Variants in STARD13 observed in about 807,000 individuals in gnomAD.
STARD13 encodes the protein StAR related lipid transfer domain containing 13, also known as stAR-related lipid transfer protein 13.
A neutral mutation model predicts 106.4 loss-of-function variants in STARD13; 62 were observed. The observed-to-expected ratio is 0.58, with a 90% CI of 0.48 to 0.72. The LOEUF (loss-of-function observed/expected upper bound fraction) is 0.72, where lower values mean the gene tolerates loss of function less well. Among genes scored for constraint, STARD13 ranks in the 30% least tolerant of loss-of-function variants. The probability of loss-of-function intolerance (pLI) is 0.00; values close to 1 mark genes in which losing one functional copy is unlikely to be tolerated. For missense variants in STARD13, 1,387 were observed against 1,424.0 expected (o/e 0.97, Z 0.42); for synonymous variants, 565 against 553.0 (o/e 1.02, Z -0.31).
chr13:33,243,880 C>T (rs2182128), intron 1 of STARD13, among the ~76,000 whole-genome samples: 100,746 of 151,898 alleles, frequency 0.66, 33,971 homozygotes, highest in Middle Eastern at 0.73. Flanking sequence ...CAGGAACCAA[C>T]GGCTAAGAGT....
In STARD13 at chr13:33,105,517, C is replaced by G; in HGVS notation, c.*76G>C. 1 of 1,016,286 alleles carries G rather than the reference C, an allele frequency of 9.8e-7. No individual in the cohort carries two copies. The highest frequency in any genetic ancestry group is 1.5e-6 in the Non-Finnish European group (1 of 646,978). 63.0% of individuals were successfully genotyped at this position (1,016,286 alleles called of 1,614,324 possible). ...CTTCAGTTCCTCTTTCTCTCGCTTT[C>G]TCACATGCACACTCTCTGCCACACT... On this transcript the variant is annotated 3_prime_UTR_variant, in exon 14 of 14. Coordinates refer to ENST00000336934, the MANE Select transcript of STARD13 (RefSeq NM_178006.4).
At chr13:33,199,254 C>A (rs1052230481) in intron 1 of STARD13, among the ~76,000 whole-genome samples, 1 of 152,190 alleles carries the variant, frequency 6.6e-6, no homozygotes, top group Non-Finnish European at 1.5e-5. Context: ...AAAAATCATT[C>A]TTTCTTGAAT....
At chr13:33,269,416 A>C (rs1451239010) in intron 1 of STARD13, among the ~76,000 whole-genome samples, 1 of 152,202 alleles carries the variant, frequency 6.6e-6, no homozygotes, top group Non-Finnish European at 1.5e-5. Context: ...CCCTCATCAG[A>C]TAATGTGGGC....
chr13:33,216,862 G>C (rs1888075354), intron 1 of STARD13, among the ~76,000 whole-genome samples: 1 of 152,158 alleles, frequency 6.6e-6, no homozygotes, highest in Non-Finnish European at 1.5e-5. Flanking sequence ...AGGAATCTGA[G>C]AGTGGCCAAC....
chr13:33,326,312 C>G (rs1381197094), intron 1 of STARD13, among the ~76,000 whole-genome samples: 4 of 152,196 alleles, frequency 2.6e-5, no homozygotes, highest in Non-Finnish European at 5.9e-5. Flanking sequence ...GAGCTGTTTT[C>G]ACTTAGTTAA....
the STARD13 span, among the ~76,000 whole-genome samples, chr13:33,671,074 C>G: frequency 6.6e-6 from 1 of 152,170 alleles, no homozygotes; most frequent in Non-Finnish European, 1.5e-5. Context: ...GAATTGCCAC[C>G]CATTTTGCAC....
chr13:33,391,769 G>C, the STARD13 span, among the ~76,000 whole-genome samples: 1 of 152,162 alleles, frequency 6.6e-6, no homozygotes, highest in South Asian at 2.1e-4. Context: ...GTGATCTCTC[G>C]AGCAATCTCT....
rs531443233 is a variant in STARD13, at chr13:33,105,025, A to G, written c.*568T>C. 1 of 152,766 alleles carries G rather than the reference A, an allele frequency of 6.5e-6. No homozygotes were observed. Among genetic ancestry groups the G allele is most frequent in the South Asian group, 2.1e-4 (1 of 4,824 alleles). 9.5% of individuals were successfully genotyped at this position (152,766 alleles called of 1,614,324 possible). A position where few individuals can be genotyped will look rare whatever the true frequency, so the allele number is the denominator to read the frequency against. On this transcript the variant is annotated 3_prime_UTR_variant, in exon 14 of 14. Coordinates refer to ENST00000336934, the MANE Select transcript of STARD13 (RefSeq NM_178006.4). ...AATGTTATTTTCCTTTGGTTAACTC[A>G]TCTTTGGTTAGGCATCAGGGCATGT...
At chr13:33,241,982 C>T (rs539881254) in intron 1 of STARD13, among the ~76,000 whole-genome samples, 6 of 152,246 alleles carry the variant, frequency 3.9e-5, no homozygotes, top group Admixed American at 6.5e-5. Context: ...AAGTGAGGAG[C>T]GTCTCTGCCT....
rs752145042 is a variant in STARD13 at position 33,165,439 on chromosome 13, A to C, written c.242-21T>G. On this transcript the variant is annotated intron_variant, in intron 2 of 13. Transcript: ENST00000336934. Reference sequence around the variant, plus strand: ...TGAATCTGAGAGAGAAAGACAAAGAAGTTGATGTACTTTGTTTTATCTGAA... The same window carrying C: ...TGAATCTGAGAGAGAAAGACAAAGACGTTGATGTACTTTGTTTTATCTGAA... 3 of 1,585,486 alleles carry C rather than the reference A, an allele frequency of 1.9e-6. No homozygotes were observed. In the East Asian group the frequency reaches 6.7e-5, roughly 35 times the overall value.
chr13:33,602,130 C>T, the STARD13 span, among the ~76,000 whole-genome samples: 2 of 141,950 alleles, frequency 1.4e-5, no homozygotes, highest in Non-Finnish European at 3.0e-5. Flanking sequence ...TTGCTCTTGT[C>T]GCCCAGGCTG....
the STARD13 span, among the ~76,000 whole-genome samples, chr13:33,452,889 C>T: frequency 5.3e-5 from 8 of 152,212 alleles, no homozygotes; most frequent in African/African-American, 1.9e-4. Flanking sequence ...AGTTTCATTT[C>T]TAACTTTAAA....
At chr13:33,144,055 T>C (rs1880204063) in intron 3 of STARD13, among the ~76,000 whole-genome samples, 1 of 152,204 alleles carries the variant, frequency 6.6e-6, no homozygotes, top group Non-Finnish European at 1.5e-5. Context: ...CCTTTAACTA[T>C]TAATTTTTTT....
At position 33,320,707 on chromosome 13, in the gene STARD13, C is replaced by T. The variant is rs372202084; in HGVS notation, c.124+29583G>A. ...AAGATTGGCCAGGTATGGTATCTTG[C>T]ACTGGTACTCCCAGCTACACTGGAT... On this transcript the variant is annotated intron_variant, in intron 1 of 5. Coordinates refer to the STARD13 transcript ENST00000567873. Among the ~76,000 whole-genome samples the T allele has an allele frequency of 2.4e-3, 360 of 152,220 alleles. 2 individuals are homozygous for T. The highest frequency in any genetic ancestry group is 8.2e-3 in the African/African-American group (340 of 41,520).
In STARD13 at chr13:33,263,252, C is replaced by T. The variant is rs571378303; in HGVS notation, c.169+22218G>A. ...CCACTAGATGCCAGCAGCACCCACC[C>T]CCTAGTTGTGATCATCAACAGTATC... On this transcript the variant is annotated intron_variant, in intron 1 of 13. Coordinates refer to ENST00000336934, the MANE Select transcript of STARD13 (RefSeq NM_178006.4). Among the ~76,000 whole-genome samples, 9 of 152,098 alleles carry T rather than the reference C, an allele frequency of 5.9e-5. No individual in the cohort carries two copies. In the East Asian group the frequency reaches 1.7e-3, roughly 29 times the overall value.
intron 1 of STARD13, among the ~76,000 whole-genome samples, chr13:33,333,387 C>T (rs529200423): frequency 1.3e-5 from 2 of 152,240 alleles, no homozygotes; most frequent in East Asian, 3.9e-4. Flanking sequence ...GACTCAGCCT[C>T]AAAAAATAAA....
chr13:33,211,833 G>GTA (rs143821582), intron 1 of STARD13, among the ~76,000 whole-genome samples: 33,638 of 149,922 alleles, frequency 0.22, 4,217 homozygotes, highest in Middle Eastern at 0.33. Flanking sequence ...GTGTATGTGT[G>GTA]TGTGTGTGTG....
the STARD13 span, among the ~76,000 whole-genome samples, chr13:33,613,623 A>T: frequency 6.6e-6 from 1 of 152,318 alleles, no homozygotes; most frequent in East Asian, 1.9e-4. Flanking sequence ...ACCAAGCACC[A>T]TTGGTCTGGA....
At chr13:33,589,803 T>C in the STARD13 span, among the ~76,000 whole-genome samples, 34 of 152,332 alleles carry the variant, frequency 2.2e-4, no homozygotes, top group African/African-American at 7.5e-4. Context: ...GCTCTGTAGA[T>C]GTCTATTAGG....
Sources: allele counts gnomAD v4.1 joint callset (sites outside exome capture counted in the v4.1 genomes callset), GRCh38; gene constraint gnomAD v4.1.1; transcripts MANE v1.5; gene names NCBI Gene and HGNC (gene_info 2026-07-23, HGNC 2026-07-21).